ERBB3: variants seen among roughly 807,000 people sequenced by gnomAD.
ERBB3 encodes erb-b2 receptor tyrosine kinase 3, also known as receptor tyrosine-protein kinase erbB-3.
Under a neutral mutation model 156.7 loss-of-function variants are expected in ERBB3, and 96 were observed. That is an observed-to-expected ratio of 0.61 (90% CI 0.52 to 0.73). The LOEUF (loss-of-function observed/expected upper bound fraction) is 0.73, where lower values mean the gene tolerates loss of function less well. Among genes scored for constraint, ERBB3 ranks in the 30% least tolerant of loss-of-function variants. ERBB3 has a pLI of 0.00. For synonymous variants in ERBB3, 567 were observed against 632.0 expected (o/e 0.90, Z 1.54); for missense variants, 1,406 against 1,709.4 (o/e 0.82, Z 3.13).
intron 15 of ERBB3, 24 bp from the exon 16 acceptor site, chr12:56,095,230 ATTT>A: frequency 6.3e-7 from 1 of 1,588,438 alleles, no homozygotes; most frequent in Non-Finnish European, 8.6e-7. Flanking sequence ...CCAAGCTCTC[ATTT>A]AAGGTGGTGA....
In ERBB3 at chr12:56,083,911, G is replaced by A. The variant is rs1264347759; in HGVS notation, c.234+9G>A. On this transcript the variant is annotated intron_variant, in intron 2 of 27. Transcript: ENST00000267101. Reference sequence around the variant, plus strand: ...ACCTCTCCTTCCTGCAGGTTAGTGAGCCCACCCTCCTTCCTCAACCTGCTC... The same window carrying A: ...ACCTCTCCTTCCTGCAGGTTAGTGAACCCACCCTCCTTCCTCAACCTGCTC... 1 of 1,613,586 alleles carries A rather than the reference G, an allele frequency of 6.2e-7. No individual in the cohort carries two copies. Among genetic ancestry groups the A allele is most frequent in the Non-Finnish European group, 8.5e-7 (1 of 1,179,602 alleles).
At chr12:56,098,390 C>G (rs1212741036) in intron 21 of ERBB3, 110 bp from the exon 22 acceptor site, 5 of 836,248 alleles carry the variant, frequency 6.0e-6, no homozygotes, top group Admixed American at 3.9e-5. Context: ...CCAGTCTGGG[C>G]GACAGAGCGA....
In ERBB3 at chr12:56,101,087, A is replaced by C. The variant is rs1869077657; in HGVS notation, c.3228A>C (p.Glu1076Asp). The change falls in exon 27 of 28, where the codon GAA (glutamate) becomes GAC (aspartate). Residue 1076 changes from glutamate (E) to aspartate (D), a missense_variant. Physicochemically the swap from Glu to Asp is conservative, Grantham distance 45. Coordinates refer to ENST00000267101, the MANE Select transcript of ERBB3 (RefSeq NM_001982.4). ...AGTCTGCAGTTTCTGGGAGCAGTGA[A>C]CGGTGCCCCCGTCCAGTCTCTCTAC... The part of the protein sequence containing the change: ...CQESAVSGSS[E>D]RCPRPVSLHP... 1 of 1,613,870 alleles carries C rather than the reference A, an allele frequency of 6.2e-7. No homozygotes were observed. The highest frequency in any genetic ancestry group is 1.7e-5 in the Admixed American group (1 of 59,970).
chr12:56,099,781 A>G (rs376200703), intron 24 of ERBB3, 36 bp downstream of exon 24: 48 of 1,612,986 alleles, frequency 3.0e-5, no homozygotes, highest in Non-Finnish European at 3.8e-5. Context: ...GGAAATTTAG[A>G]AAAAGGAGGA....
In ERBB3 at chr12:56,087,583, CCT is replaced by C. The variant is rs1293567390; in HGVS notation, c.555_556del (p.Cys186SerfsTer2). On this transcript the variant is annotated frameshift_variant, in exon 5 of 28. Transcript: ENST00000267101. LOFTEE classifies it high-confidence loss of function. ...TGCCTTCCTTCCCAACCAGGTCCCC[CCT>C]GTCATGAGGTTTGCAAGGGGCGATG... The C allele has an allele frequency of 3.7e-6, 6 of 1,613,986 alleles. No individual in the cohort carries two copies. Among genetic ancestry groups the C allele is most frequent in the Non-Finnish European group, 3.4e-6 (4 of 1,179,966 alleles).
chr12:56,091,408 A>T (rs1373352520), intron 9 of ERBB3, among the ~76,000 whole-genome samples: 29 of 63,600 alleles, frequency 4.6e-4, no homozygotes, highest in East Asian at 1.5e-3. Context: ...ATATATATAT[A>T]TATTTTTTTT....
At chr12:56,097,686 G>GA in intron 20 of ERBB3, 99 bp from the exon 21 acceptor site, 1 of 1,266,082 alleles carries the variant, frequency 7.9e-7, no homozygotes, top group Non-Finnish European at 1.2e-6. Flanking sequence ...AAAGGTTGGG[G>GA]ACCACTGCTG....
chr12:56,090,961 C>T (rs921334801), intron 9 of ERBB3, among the ~76,000 whole-genome samples: 15 of 152,058 alleles, frequency 9.9e-5, no homozygotes, highest in Admixed American at 8.5e-4. Flanking sequence ...ATTCAGTTAT[C>T]GTGGCACTTC....
chr12:56,080,175 A>G lies in ERBB3; in HGVS notation c.-126A>G, dbSNP rs1868335256. 5 of 763,418 alleles carry G rather than the reference A, an allele frequency of 6.5e-6. No individual in the cohort carries two copies. The highest frequency in any genetic ancestry group is 4.1e-5 in the Admixed American group (2 of 48,920). The allele number at this position is 763,418 out of a possible 1,614,324, so 47.3% of individuals were successfully genotyped here. On this transcript the variant is annotated 5_prime_UTR_variant, in exon 1 of 28. Coordinates refer to ENST00000267101, the MANE Select transcript of ERBB3 (RefSeq NM_001982.4). ...GCTCCGGCTCCGATTGCAATTTGCA[A>G]CCTCCGCTGCCGTCGCCGCAGCAGC...
chr12:56,096,721 T>G (rs774523341), intron 18 of ERBB3, 27 bp from the exon 19 acceptor site: 5 of 1,612,494 alleles, frequency 3.1e-6, no homozygotes, highest in Admixed American at 1.7e-5. Flanking sequence ...AATGACCTTA[T>G]GCCAACTCCT....
rs1217852670 is a variant in ERBB3, at chr12:56,080,354, G to T, written c.54G>T (p.Arg18=). Residue 18 remains arginine, a synonymous_variant, in exon 1 of 28, where the codon CGG becomes CGT. Transcript: ENST00000267101. ...QVLGLLFSLA[R]GSEVGNSQAV... is the part of the protein sequence containing the mutation. The stretch of plus-strand genomic sequence containing the variant: ...TGGGCTTGCTTTTCAGCCTGGCCCG[G>T]GGCTCCGAGGTGGGCAACTCTCAGG... The T allele has an allele frequency of 5.0e-6, 8 of 1,594,344 alleles. No homozygotes were observed. The highest frequency in any genetic ancestry group is 6.8e-6 in the Non-Finnish European group (8 of 1,169,832).
intron 21 of ERBB3, chr12:56,098,205 C>A (rs1194944250): frequency 1.8e-6 from 1 of 555,862 alleles, no homozygotes; most frequent in Non-Finnish European, 3.2e-6. Context: ...GAGATCAAGA[C>A]CATCCTGGCT....
chr12:56,099,044 C>T (rs867153242), intron 23 of ERBB3, 139 bp downstream of exon 23: 16 of 782,016 alleles, frequency 2.0e-5, no homozygotes, highest in East Asian at 2.7e-5. Flanking sequence ...CTACAACCTC[C>T]GCCTCTCGGG....
chr12:56,080,325 G>T lies in ERBB3; in HGVS notation c.25G>T (p.Val9Leu). The T allele has an allele frequency of 6.3e-7, 1 of 1,584,782 alleles. No homozygotes were observed. The highest frequency in any genetic ancestry group is 8.6e-7 in the Non-Finnish European group (1 of 1,164,466). Residue 9 changes from valine to leucine, a missense_variant, in exon 1 of 28, where the codon GTG (valine) becomes TTG (leucine). Around this residue, in one of 3 missense-constraint regions of ERBB3, gnomAD observed 979 missense variants for 1,219.6 expected, o/e 0.80. Transcript: ENST00000267101. ...CATGAGGGCGAACGACGCTCTGCAG[G>T]TGCTGGGCTTGCTTTTCAGCCTGGC... MRANDALQVLGLLFSLARG... is the reference protein window; with the variant it reads MRANDALQLLGLLFSLARG...
intron 17 of ERBB3, chr12:56,096,111 A>C: frequency 1.9e-6 from 1 of 520,792 alleles, no homozygotes; most frequent in Non-Finnish European, 3.5e-6. Flanking sequence ...ATCTATACAG[A>C]GGAAATAACA....
Position 56,097,955 on chromosome 12 carries a change from A to G in ERBB3, c.2616+15A>G, listed in dbSNP as rs2136820540. The G allele has an allele frequency of 6.2e-7, 1 of 1,612,158 alleles. No homozygotes were observed. The highest frequency in any genetic ancestry group is 8.5e-7 in the Non-Finnish European group (1 of 1,179,652). ...GTGAGGCCAAGGTGAGGAGACACAA[A>G]GGGTAAGGAGGCGGGGGTGGAGTGA... is the stretch of plus-strand genomic sequence containing the variant. On this transcript the variant is annotated intron_variant, in intron 21 of 27. Transcript: ENST00000267101.
chr12:56,095,110 G>A, intron 15 of ERBB3, 147 bp from the exon 16 acceptor site: 4 of 707,010 alleles, frequency 5.7e-6, no homozygotes, highest in Middle Eastern at 2.6e-4. Context: ...TAGTGAGCTG[G>A]AGGTGGAGGC....
In ERBB3 at chr12:56,102,173, A is replaced by G; in HGVS notation, c.*118A>G. On this transcript the variant is annotated 3_prime_UTR_variant, in exon 28 of 28. Coordinates refer to ENST00000267101, the MANE Select transcript of ERBB3 (RefSeq NM_001982.4). ...CCCAGCCCCTTTTCCCCAGTCCCAG[A>G]CAATTCCATTCAATCTTTGGAGGCT... is the stretch of plus-strand genomic sequence containing the variant. The G allele has an allele frequency of 2.2e-6, 2 of 910,552 alleles. No individual in the cohort carries two copies. The highest frequency in any genetic ancestry group is 3.5e-6 in the Non-Finnish European group (2 of 566,956). The allele number at this position is 910,552 out of a possible 1,614,324, so 56.4% of individuals were successfully genotyped here.
intron 21 of ERBB3, chr12:56,098,263 T>C (rs1868958113): frequency 4.0e-6 from 2 of 505,058 alleles, no homozygotes; most frequent in East Asian, 3.5e-5. Context: ...AAAAAAAAAA[T>C]TAGCCAGGCG....
Sources: gnomAD v4.1 joint callset for allele counts (sites outside exome capture counted in the v4.1 genomes callset) on GRCh38, gnomAD v4.1.1 for gene constraint, gnomAD v4.1.1 regional missense constraint, MANE v1.5 for transcripts, NCBI Gene and HGNC (gene_info 2026-07-23, HGNC 2026-07-21) for gene names.